CTNND2: variants seen among roughly 807,000 people sequenced by gnomAD.
CTNND2 encodes catenin delta-2.
CTNND2 carries 22 observed loss-of-function variants against 144.4 expected under a neutral mutation model. That is an observed-to-expected ratio of 0.15 (90% CI 0.11 to 0.22). CTNND2 has a LOEUF of 0.22. CTNND2 is among the 10% of genes least tolerant of loss of function. The probability of loss-of-function intolerance (pLI) is 1.00; values close to 1 mark genes in which losing one functional copy is unlikely to be tolerated. For synonymous variants in CTNND2, 751 were observed against 695.6 expected (o/e 1.08, Z -1.25); for missense variants, 1,353 against 1,618.8 (o/e 0.84, Z 2.82).
chr5:10,973,095 A>G lies in CTNND2; in HGVS notation c.*358T>C, dbSNP rs1434868224. On this transcript the variant is annotated 3_prime_UTR_variant, in exon 22 of 22. Coordinates refer to ENST00000304623, the MANE Select transcript of CTNND2 (RefSeq NM_001332.4). This position sits in a 1 kb window ranked among gnomAD's most constrained non-coding sequence, Gnocchi z 5.6. ...CCGTCCCCCACACAGTGTGTAAACT[A>G]TTCTGTGTCTTGTGCTTAACGATAA... 2 of 178,652 alleles carry G rather than the reference A, an allele frequency of 1.1e-5. No homozygotes were observed. Among genetic ancestry groups the G allele is most frequent in the African/African-American group, 4.7e-5 (2 of 42,424 alleles). 11.1% of individuals were successfully genotyped at this position (178,652 alleles called of 1,614,324 possible).
chr5:11,182,276 G>A (rs1308599321), intron 11 of CTNND2, among the ~76,000 whole-genome samples: 5 of 151,760 alleles, frequency 3.3e-5, no homozygotes, highest in East Asian at 3.9e-4. Context: ...GCACACACCC[G>A]GGCATGTATG....
chr5:11,332,230 G>A (rs757321114), intron 9 of CTNND2, among the ~76,000 whole-genome samples: 15 of 149,190 alleles, frequency 1.0e-4, no homozygotes, highest in African/African-American at 2.5e-4. Context: ...AGTGGAGATC[G>A]CGCCATTGCA....
chr5:11,565,362 T>C (rs1028620697), intron 2 of CTNND2, among the ~76,000 whole-genome samples: 7 of 152,212 alleles, frequency 4.6e-5, no homozygotes, highest in Admixed American at 6.5e-5. Flanking sequence ...CTGTGCTATC[T>C]TTGGCAGACG....
chr5:11,417,862 T>C (rs538508601), intron 3 of CTNND2, among the ~76,000 whole-genome samples: 4 of 152,280 alleles, frequency 2.6e-5, no homozygotes, highest in African/African-American at 7.2e-5. Context: ...CTTGCCTACA[T>C]TGTTGTAATA....
intron 5 of CTNND2, among the ~76,000 whole-genome samples, chr5:11,405,434 T>C (rs572691380): frequency 6.6e-6 from 1 of 152,130 alleles, no homozygotes; most frequent in Admixed American, 6.5e-5. Context: ...AAAAAGAAAT[T>C]AGGCCGGAGC....
At chr5:10,977,651 C>T (rs61752683) in intron 21 of CTNND2, among the ~76,000 whole-genome samples, 2,158 of 152,224 alleles carry the variant, frequency 0.014, 33 homozygotes, top group Middle Eastern at 0.031. Context: ...CACAGTTTTG[C>T]TATGTTGCCC....
chr5:11,572,156 G>A (rs997523235), intron 2 of CTNND2, among the ~76,000 whole-genome samples: 1 of 152,142 alleles, frequency 6.6e-6, no homozygotes, highest in Non-Finnish European at 1.5e-5. Context: ...GAGCAGGAGT[G>A]AATCTAAAAC....
At chr5:11,844,711 TG>T (rs1310901197) in intron 1 of CTNND2, among the ~76,000 whole-genome samples, 2 of 152,216 alleles carry the variant, frequency 1.3e-5, no homozygotes, top group African/African-American at 4.8e-5. Flanking sequence ...GCCAGCATTT[TG>T]ATGAACTGAT....
chr5:11,207,834 G>A (rs1049989807), intron 10 of CTNND2, among the ~76,000 whole-genome samples: 4 of 152,082 alleles, frequency 2.6e-5, no homozygotes, highest in African/African-American at 9.7e-5. Context: ...TGAAGACACC[G>A]GTTACCAGCC....
intron 1 of CTNND2, among the ~76,000 whole-genome samples, chr5:11,838,111 T>C (rs1368288173): frequency 6.6e-6 from 1 of 152,128 alleles, no homozygotes; most frequent in Non-Finnish European, 1.5e-5. Flanking sequence ...TTTTTGCACC[T>C]TGTATTCTAA....
chr5:11,687,723 G>A (rs369278854), intron 2 of CTNND2, among the ~76,000 whole-genome samples: 6 of 152,130 alleles, frequency 3.9e-5, no homozygotes, highest in Non-Finnish European at 8.8e-5. Context: ...AGCCCTCATG[G>A]AGCACGTGTT....
At chr5:11,749,144 A>C (rs1194670964) in intron 1 of CTNND2, among the ~76,000 whole-genome samples, 1 of 152,034 alleles carries the variant, frequency 6.6e-6, no homozygotes, top group African/African-American at 2.4e-5. Context: ...TTCCAGTCCC[A>C]GGCCTGCTTC....
intron 12 of CTNND2, among the ~76,000 whole-genome samples, chr5:11,145,721 G>C (rs754345996): frequency 1.3e-5 from 2 of 152,092 alleles, no homozygotes; most frequent in African/African-American, 4.8e-5. Flanking sequence ...GAGGAGCCCC[G>C]TGTCTCTTCC....
intron 1 of CTNND2, among the ~76,000 whole-genome samples, chr5:11,839,305 A>G (rs1184871349): frequency 6.6e-6 from 1 of 152,090 alleles, no homozygotes; most frequent in East Asian, 1.9e-4. Flanking sequence ...TGGGGCATGG[A>G]CCACATCTCA....
chr5:11,129,876 C>T (rs1221465366), intron 12 of CTNND2, among the ~76,000 whole-genome samples: 1 of 152,108 alleles, frequency 6.6e-6, no homozygotes, highest in Non-Finnish European at 1.5e-5. Flanking sequence ...TAGGATTAGC[C>T]ACACCTCCAT....
intron 2 of CTNND2, among the ~76,000 whole-genome samples, chr5:11,573,191 A>T (rs1777710552): frequency 6.6e-6 from 1 of 152,236 alleles, no homozygotes; most frequent in African/African-American, 2.4e-5. Flanking sequence ...TGAAGCACTT[A>T]GCAGAATAAG....
At chr5:11,560,643 C>T (rs1776608994) in intron 3 of CTNND2, among the ~76,000 whole-genome samples, 1 of 152,166 alleles carries the variant, frequency 6.6e-6, no homozygotes, top group Non-Finnish European at 1.5e-5. Context: ...CAACCACTGC[C>T]AACAGTCCAG....
intron 9 of CTNND2, among the ~76,000 whole-genome samples, chr5:11,323,862 T>C (rs1462075600): frequency 5.3e-5 from 8 of 152,070 alleles, no homozygotes. Context: ...ATCAGAAAAT[T>C]CTGAGTAGCA....
At chr5:11,612,126 A>G (rs1318879426) in intron 2 of CTNND2, among the ~76,000 whole-genome samples, 12 of 152,234 alleles carry the variant, frequency 7.9e-5, no homozygotes, top group Non-Finnish European at 2.9e-5. Flanking sequence ...AACAATGTAT[A>G]TATATGATCA....
Sources: gnomAD v4.1 joint callset for allele counts (sites outside exome capture counted in the v4.1 genomes callset) on GRCh38, gnomAD v4.1.1 for gene constraint, Gnocchi (gnomAD v3.1) non-coding constraint, MANE v1.5 for transcripts, NCBI Gene and HGNC (gene_info 2026-07-23, HGNC 2026-07-21) for gene names.